Variants in CLSTN1 observed in about 807,000 individuals in gnomAD.
The protein encoded by CLSTN1 is calsyntenin 1.
CLSTN1 carries 28 observed loss-of-function variants against 108.3 expected under a neutral mutation model. The observed-to-expected ratio is 0.26, with a 90% CI of 0.19 to 0.35. CLSTN1 has a LOEUF of 0.35. Ranked by LOEUF, CLSTN1 falls within the 10% of genes least tolerant of loss-of-function variation. CLSTN1 has a pLI of 1.00. For synonymous variants in CLSTN1, 524 were observed against 534.9 expected, an observed-to-expected ratio of 0.98 and a Z score of 0.28; for missense variants, 1,157 against 1,302.6, an observed-to-expected ratio of 0.89 and a Z score of 1.72.
At chr1:9,819,683 C>T (rs549028290) in intron 1 of CLSTN1, among the ~76,000 whole-genome samples, 222 of 152,146 alleles carry the variant, frequency 1.5e-3, no homozygotes, top group African/African-American at 5.1e-3. Context: ...TCCAGTTAAC[C>T]GAGTGAATGC....
chr1:9,801,232 C>T (rs1284355048), intron 1 of CLSTN1, among the ~76,000 whole-genome samples: 2 of 152,020 alleles, frequency 1.3e-5, no homozygotes, highest in East Asian at 1.9e-4. Context: ...GAAACAAGAG[C>T]GAAACTCCAT....
intron 4 of CLSTN1, among the ~76,000 whole-genome samples, chr1:9,754,855 C>CA (rs1317402715): frequency 6.6e-6 from 1 of 152,000 alleles, no homozygotes; most frequent in African/African-American, 2.4e-5. Flanking sequence ...AACTCCATCT[C>CA]AAAAAACAAA....
Position 9,729,229 on chromosome 1 carries a change from A to C in CLSTN1, c.*1279T>G, listed in dbSNP as rs1433007054. ...CACAGCCACCAGTGTCCTCAGAACT[A>C]GCAGTCAGGGTCACAGAACAGTATT... On this transcript the variant is annotated 3_prime_UTR_variant, in exon 19 of 19. Coordinates refer to ENST00000377298, the MANE Select transcript of CLSTN1 (RefSeq NM_001009566.3). 1 of 152,390 alleles carries C rather than the reference A, an allele frequency of 6.6e-6. No homozygotes were observed. Among genetic ancestry groups the C allele is most frequent in the Non-Finnish European group, 1.5e-5 (1 of 68,044 alleles). The allele number at this position is 152,390 out of a possible 1,614,324, so 9.4% of individuals were successfully genotyped here.
At chr1:9,788,048 A>T (rs1653576393) in intron 1 of CLSTN1, among the ~76,000 whole-genome samples, 1 of 151,376 alleles carries the variant, frequency 6.6e-6, no homozygotes, top group Non-Finnish European at 1.5e-5. Flanking sequence ...TGAGTTCAGG[A>T]GTTCAAGATC....
intron 1 of CLSTN1, among the ~76,000 whole-genome samples, chr1:9,788,762 G>C (rs920293350): frequency 1.3e-5 from 2 of 149,632 alleles, no homozygotes; most frequent in Non-Finnish European, 2.9e-5. Context: ...CAGCTCCTCA[G>C]GAGGCTGAGG....
At chr1:9,737,642 C>A in intron 10 of CLSTN1, 88 bp from the exon 11 acceptor site, 1 of 1,138,310 alleles carries the variant, frequency 8.8e-7, no homozygotes, top group Non-Finnish European at 1.3e-6. Context: ...TTGAAGCAAC[C>A]AACTATAAAA....
At chr1:9,821,171 C>T (rs1270428201) in intron 1 of CLSTN1, among the ~76,000 whole-genome samples, 1 of 152,196 alleles carries the variant, frequency 6.6e-6, no homozygotes, top group Non-Finnish European at 1.5e-5. Context: ...CTTGCTTTGT[C>T]ACCCAGGCTG....
chr1:9,805,579 T>C (rs549090246), intron 1 of CLSTN1, among the ~76,000 whole-genome samples: 1 of 152,206 alleles, frequency 6.6e-6, no homozygotes, highest in East Asian at 1.9e-4. Context: ...AAAAATGTGT[T>C]ATTTAGGTTG....
chr1:9,754,506 C>T (rs957017846), intron 4 of CLSTN1, among the ~76,000 whole-genome samples: 1 of 152,032 alleles, frequency 6.6e-6, no homozygotes, highest in Non-Finnish European at 1.5e-5. Context: ...TTCCAATGAG[C>T]CAAGATCGTG....
At chr1:9,810,401 G>T (rs999339960) in intron 1 of CLSTN1, among the ~76,000 whole-genome samples, 2 of 150,934 alleles carry the variant, frequency 1.3e-5, no homozygotes, top group African/African-American at 2.4e-5. Context: ...GCTTGAAGCC[G>T]GGAGGCAGAG....
chr1:9,815,509 T>G (rs1198724450), intron 1 of CLSTN1, among the ~76,000 whole-genome samples: 2 of 152,168 alleles, frequency 1.3e-5, no homozygotes, highest in Non-Finnish European at 2.9e-5. Flanking sequence ...AAATTCAACT[T>G]AAAATTCTAA....
intron 2 of CLSTN1, among the ~76,000 whole-genome samples, chr1:9,764,637 TAAAAAAAAAAAA>T (rs70998307): frequency 1.6e-4 from 13 of 82,332 alleles, no homozygotes; most frequent in Admixed American, 6.2e-4. Flanking sequence ...GCTCCATCTT[TAAAAAAAAAAAA>T]AAAAAAAAAA....
At chr1:9,819,376 G>A (rs1655109028) in intron 1 of CLSTN1, among the ~76,000 whole-genome samples, 1 of 151,928 alleles carries the variant, frequency 6.6e-6, no homozygotes. Context: ...TTTAGACTTG[G>A]TTTAATAAGC....
intron 2 of CLSTN1, among the ~76,000 whole-genome samples, chr1:9,766,498 A>G (rs547589564): frequency 1.3e-5 from 2 of 152,280 alleles, no homozygotes; most frequent in African/African-American, 4.8e-5. Context: ...TCTCTATTAT[A>G]AATACAAAAC....
At chr1:9,736,195 T>C (rs1437489343) in intron 11 of CLSTN1, among the ~76,000 whole-genome samples, 153 bp from the exon 12 acceptor site, 1 of 152,196 alleles carries the variant, frequency 6.6e-6, no homozygotes, top group Non-Finnish European at 1.5e-5. Flanking sequence ...GCAATCTACA[T>C]GGAAGCGCAA....
chr1:9,766,194 G>A (rs1652321237), intron 2 of CLSTN1, among the ~76,000 whole-genome samples: 1 of 152,092 alleles, frequency 6.6e-6, no homozygotes, highest in African/African-American at 2.4e-5. Context: ...TGGAAAAGCA[G>A]GAAAGAGATT....
At chr1:9,794,978 C>T (rs995122437) in intron 1 of CLSTN1, among the ~76,000 whole-genome samples, 4 of 150,236 alleles carry the variant, frequency 2.7e-5, no homozygotes, top group African/African-American at 9.8e-5. Flanking sequence ...AATACTGTCA[C>T]CAACTGACTA....
chr1:9,747,414 A>G (rs773597733), intron 7 of CLSTN1, among the ~76,000 whole-genome samples: 2 of 152,142 alleles, frequency 1.3e-5, no homozygotes. Context: ...AGAGTTGCCA[A>G]ACACCCCCAT....
chr1:9,751,348 C>G, intron 5 of CLSTN1, 125 bp downstream of exon 5: 1 of 820,158 alleles, frequency 1.2e-6, no homozygotes, highest in South Asian at 1.7e-5. Flanking sequence ...CAAACACACA[C>G]CAGGTTAGGT....
Sources: allele counts gnomAD v4.1 joint callset (sites outside exome capture counted in the v4.1 genomes callset), GRCh38; gene constraint gnomAD v4.1.1; transcripts MANE v1.5; gene names NCBI Gene and HGNC (gene_info 2026-07-23, HGNC 2026-07-21).